Variants in INPP5F observed in about 807,000 individuals in gnomAD.
INPP5F encodes inositol polyphosphate-5-phosphatase F.
Under a neutral mutation model 137.2 loss-of-function variants are expected in INPP5F, and 97 were observed. The observed-to-expected ratio is 0.71, with a 90% confidence interval of 0.60 to 0.84. INPP5F has a LOEUF of 0.84. INPP5F is among the 40% of genes least tolerant of loss of function. INPP5F has a pLI of 0.00. For missense variants in INPP5F, 1,271 were observed against 1,371.9 expected (o/e 0.93, Z 1.16); for synonymous variants, 504 against 476.9 (o/e 1.06, Z -0.74).
intron 3 of INPP5F, among the ~76,000 whole-genome samples, chr10:119,785,284 C>CTTTTTTTTTTTT (rs1440327192): frequency 2.5e-5 from 2 of 81,610 alleles, no homozygotes; most frequent in African/African-American, 4.3e-5. Flanking sequence ...AACTGCCAGA[C>CTTTTTTTTTTTT]TGTTTTTTTT....
intron 16 of INPP5F, 29 bp downstream of exon 16, chr10:119,820,946 G>T: frequency 6.9e-7 from 1 of 1,438,850 alleles, no homozygotes; most frequent in South Asian, 1.2e-5. Context: ...TAAAGGTTTT[G>T]ATTTTGTTTT....
At chr10:119,745,699 CTTTTTT>C (rs35485618) in intron 1 of INPP5F, among the ~76,000 whole-genome samples, 3 of 90,544 alleles carry the variant, frequency 3.3e-5, no homozygotes, top group African/African-American at 1.4e-4. Flanking sequence ...AGGCTCATTC[CTTTTTT>C]TTTTTTTTTT....
At chr10:119,764,200 C>T (rs1849086415) in intron 2 of INPP5F, among the ~76,000 whole-genome samples, 2 of 152,176 alleles carry the variant, frequency 1.3e-5, no homozygotes, top group Admixed American at 6.6e-5. Flanking sequence ...CAGCCTCTAC[C>T]CATTACCTGG....
At chr10:119,740,753 G>T (rs1848349848) in intron 1 of INPP5F, among the ~76,000 whole-genome samples, 1 of 152,142 alleles carries the variant, frequency 6.6e-6, no homozygotes, top group African/African-American at 2.4e-5. Flanking sequence ...ATGTTGGCCA[G>T]GCTGGTCTCA....
chr10:119,740,455 AT>A (rs1848340505), intron 1 of INPP5F, among the ~76,000 whole-genome samples: 1 of 152,230 alleles, frequency 6.6e-6, no homozygotes, highest in Non-Finnish European at 1.5e-5. Flanking sequence ...TGAAGCATTT[AT>A]TACTCTGAGA....
intron 17 of INPP5F, 75 bp downstream of exon 17, chr10:119,822,579 C>A: frequency 3.0e-6 from 2 of 660,816 alleles, no homozygotes; most frequent in Non-Finnish European, 2.6e-6. Flanking sequence ...ATTATTTAAG[C>A]AAGAACCTGG....
At chr10:119,771,540 A>G (rs540234892) in intron 2 of INPP5F, among the ~76,000 whole-genome samples, 7 of 152,048 alleles carry the variant, frequency 4.6e-5, no homozygotes, top group Admixed American at 6.6e-5. Context: ...TAGCACCATC[A>G]TTAGTTTATT....
At chr10:119,775,179 T>G (rs1849483083) in intron 2 of INPP5F, among the ~76,000 whole-genome samples, 1 of 152,132 alleles carries the variant, frequency 6.6e-6, no homozygotes, top group South Asian at 2.1e-4. Context: ...AAAGAAAAAT[T>G]TTATATATTT....
At chr10:119,757,923 T>G (rs1039091655) in intron 2 of INPP5F, among the ~76,000 whole-genome samples, 1 of 152,258 alleles carries the variant, frequency 6.6e-6, no homozygotes, top group Non-Finnish European at 1.5e-5. Flanking sequence ...TCTATTCTGC[T>G]TACCTGCTGT....
intron 2 of INPP5F, among the ~76,000 whole-genome samples, chr10:119,768,771 T>G (rs1278707072): frequency 6.6e-6 from 1 of 152,186 alleles, no homozygotes; most frequent in African/African-American, 2.4e-5. Context: ...TGAGACTCAT[T>G]AGTAAATGCA....
intron 6 of INPP5F, 147 bp downstream of exon 6, chr10:119,792,360 G>A: frequency 1.5e-6 from 1 of 658,640 alleles, no homozygotes; most frequent in Non-Finnish European, 2.6e-6. Context: ...TATGGAATGG[G>A]AATCATTTAG....
intron 15 of INPP5F, among the ~76,000 whole-genome samples, chr10:119,820,464 T>A (rs998004046): frequency 6.6e-6 from 1 of 152,368 alleles, no homozygotes; most frequent in South Asian, 2.1e-4. Flanking sequence ...GATTAGATAA[T>A]GTGAGATAGT....
rs748343208 is a variant in INPP5F, at chr10:119,805,377, A to AT, written c.1242-3dup. 3 of 1,608,568 alleles carry AT rather than the reference A, an allele frequency of 1.9e-6. No homozygotes were observed. The highest frequency in any genetic ancestry group is 3.3e-5 in the Admixed American group (2 of 59,878). On this transcript the variant is annotated splice_polypyrimidine_tract_variant and splice_region_variant and intron_variant, in intron 10 of 19. Coordinates refer to ENST00000650623, the MANE Select transcript of INPP5F (RefSeq NM_014937.4). ...AGATTTTTTCTTTCTTTTGGCATGG[A>AT]TTTTAGCCGAGGAATGAAGTTTGAG...
intron 2 of INPP5F, among the ~76,000 whole-genome samples, chr10:119,776,684 G>A: frequency 6.6e-6 from 1 of 151,680 alleles, no homozygotes; most frequent in East Asian, 1.9e-4. Flanking sequence ...GTGTATGTGT[G>A]TTTGTGTGTG....
chr10:119,817,826 CATTA>C (rs1408937072), intron 15 of INPP5F, among the ~76,000 whole-genome samples: 1 of 152,160 alleles, frequency 6.6e-6, no homozygotes, highest in Non-Finnish European at 1.5e-5. Context: ...CATATTTTTG[CATTA>C]ATTTTGATTT....
intron 1 of INPP5F, among the ~76,000 whole-genome samples, chr10:119,740,243 C>G (rs774881009): frequency 6.6e-6 from 1 of 152,162 alleles, no homozygotes; most frequent in African/African-American, 2.4e-5. Context: ...TCTAGATTCT[C>G]CCTCTCTCCT....
At chr10:119,784,738 T>C (rs918716571) in intron 3 of INPP5F, among the ~76,000 whole-genome samples, 1 of 152,228 alleles carries the variant, frequency 6.6e-6, no homozygotes, top group African/African-American at 2.4e-5. Context: ...CCGTTTAAAG[T>C]ATGTAAGTCA....
At chr10:119,727,914 C>T (rs1279885564) in intron 1 of INPP5F, among the ~76,000 whole-genome samples, 3 of 152,152 alleles carry the variant, frequency 2.0e-5, no homozygotes, top group Admixed American at 6.5e-5. Flanking sequence ...CCTAGGTTGT[C>T]AAAAGAGTCA....
chr10:119,797,646 C>T lies in INPP5F; in HGVS notation c.1048+6C>T, dbSNP rs1329949839. ...AAGACCGCGGCTGGACAGAAGTAAG[C>T]AGGTCAATTATTGGGTTTGCAAATG... is the stretch of plus-strand genomic sequence containing the variant. On this transcript the variant is annotated splice_donor_region_variant and intron_variant, in intron 8 of 19. Transcript: ENST00000650623. 7 of 1,594,000 alleles carry T rather than the reference C, an allele frequency of 4.4e-6. No individual in the cohort carries two copies. The highest frequency in any genetic ancestry group is 2.2e-5 in the East Asian group (1 of 44,542).
Sources: allele counts gnomAD v4.1 joint callset (sites outside exome capture counted in the v4.1 genomes callset), GRCh38; gene constraint gnomAD v4.1.1; transcripts MANE v1.5; gene names NCBI Gene and HGNC (gene_info 2026-07-23, HGNC 2026-07-21).